WIPI1: variants seen among roughly 807,000 people sequenced by gnomAD.
WIPI1 encodes the protein WD repeat domain, phosphoinositide interacting 1.
A neutral mutation model predicts 55.3 loss-of-function variants in WIPI1; 45 were observed. The observed-to-expected ratio is 0.81, with a 90% CI of 0.64 to 1.04. The LOEUF (loss-of-function observed/expected upper bound fraction) is 1.04. Ranked by LOEUF, WIPI1 falls within the 50% of genes least tolerant of loss-of-function variation. WIPI1 has a pLI of 0.00. For missense variants in WIPI1, 445 were observed against 559.0 expected, an observed-to-expected ratio of 0.80 and a Z score of 2.06; for synonymous variants, 195 against 217.6, an observed-to-expected ratio of 0.90 and a Z score of 0.92.
chr17:68,428,902 A>G lies in WIPI1; in HGVS notation c.1000T>C (p.Ser334Pro). Residue 334 changes from serine to proline, a missense_variant, in exon 10 of 13, where the codon TCC becomes CCC. Transcript: ENST00000262139. ...QKLPRLLVAS[S>P]SGHLYMYNLD... ...TTGTACATATAAAGGTGTCCACTGGATGACGCAACTAGCAGCCGTGGCAAC... is the reference window on the plus strand; with the variant it reads ...TTGTACATATAAAGGTGTCCACTGGGTGACGCAACTAGCAGCCGTGGCAAC... The G allele has an allele frequency of 1.2e-6, 2 of 1,614,118 alleles. No homozygotes were observed. The highest frequency in any genetic ancestry group is 1.7e-6 in the Non-Finnish European group (2 of 1,180,002).
intron 8 of WIPI1, among the ~76,000 whole-genome samples, chr17:68,433,096 A>G (rs981084778): frequency 6.6e-6 from 1 of 152,226 alleles, no homozygotes; most frequent in Admixed American, 6.5e-5. Flanking sequence ...ATCAGCTAAC[A>G]CTTCTTAGTG....
At chr17:68,427,774 G>A (rs1177363650) in intron 10 of WIPI1, among the ~76,000 whole-genome samples, 2 of 152,184 alleles carry the variant, frequency 1.3e-5, no homozygotes, top group African/African-American at 2.4e-5. Flanking sequence ...CACAGGTGAG[G>A]ACATGCTAGC....
chr17:68,426,254 G>GCCCCCGCCCCCCC, intron 11 of WIPI1, 79 bp from the exon 12 acceptor site: 1 of 816,924 alleles, frequency 1.2e-6, no homozygotes, highest in East Asian at 3.5e-5. Context: ...GGGAGCGGGG[G>GCCCCCGCCCCCCC]CTCAAATAAA....
Position 68,427,134 on chromosome 17 carries a change from C to T in WIPI1, c.1192+1G>A. On this transcript the variant is annotated splice_donor_variant, in intron 11 of 12. Transcript: ENST00000262139. LOFTEE classifies it high-confidence loss of function. ...CCCCTGTTGGCCCCGTGTCCACCCA[C>T]CTGGCACCGTGGAGGCTGAAGATGC... The T allele has an allele frequency of 6.2e-7, 1 of 1,613,570 alleles. No individual in the cohort carries two copies. The highest frequency in any genetic ancestry group is 8.5e-7 in the Non-Finnish European group (1 of 1,179,600).
chr17:68,426,254 G>GGGGGGGGA, intron 11 of WIPI1, 79 bp from the exon 12 acceptor site: 1 of 816,924 alleles, frequency 1.2e-6, no homozygotes, highest in Non-Finnish European at 1.9e-6. Flanking sequence ...GGGAGCGGGG[G>GGGGGGGGA]CTCAAATAAA....
Position 68,434,824 on chromosome 17 carries a change from C to A in WIPI1, c.622-198G>T, listed in dbSNP as rs143441645. On this transcript the variant is annotated intron_variant, in intron 6 of 12. Coordinates refer to ENST00000262139, the MANE Select transcript of WIPI1 (RefSeq NM_017983.7). Reference sequence around the variant, plus strand: ...AATGTTATAAACACCCTCTGTCTACCTTTTCCCTTCCACCTGTGCCCAAGG... The same window carrying A: ...AATGTTATAAACACCCTCTGTCTACATTTTCCCTTCCACCTGTGCCCAAGG... 3.1e-3 allele frequency among the ~76,000 whole-genome samples: 467 copies of A among 152,286 alleles called. 1 individual carries two copies. The highest frequency in any genetic ancestry group is 0.011 in the African/African-American group (456 of 41,556).
At chr17:68,432,809 C>G (rs2083589484) in intron 8 of WIPI1, among the ~76,000 whole-genome samples, 1 of 152,194 alleles carries the variant, frequency 6.6e-6, no homozygotes. Context: ...TCCTTGCCCC[C>G]CACCGTGGGG....
chr17:68,430,274 G>T, intron 8 of WIPI1, 114 bp from the exon 9 acceptor site: 1 of 1,081,776 alleles, frequency 9.2e-7, no homozygotes. Flanking sequence ...GAGAGACTGT[G>T]CCTTAGCATA....
chr17:68,424,279 A>G (rs2082999185), intron 12 of WIPI1, among the ~76,000 whole-genome samples: 1 of 152,170 alleles, frequency 6.6e-6, no homozygotes, highest in Non-Finnish European at 1.5e-5. Context: ...GAAATGTAAA[A>G]GCTCACGCTG....
chr17:68,432,591 G>A lies in WIPI1; in HGVS notation c.800+877C>T, dbSNP rs115868176. 3.5e-3 allele frequency among the ~76,000 whole-genome samples: 539 copies of A among 152,076 alleles called. 6 individuals are homozygous for A. The highest frequency in any genetic ancestry group is 0.013 in the African/African-American group (524 of 41,468). ...GCCTCTGTCATGTATGTGTTAGCATGTATCAGCGTGATAAGGTGCCCGGCC... is the reference window on the plus strand; with the variant it reads ...GCCTCTGTCATGTATGTGTTAGCATATATCAGCGTGATAAGGTGCCCGGCC... On this transcript the variant is annotated intron_variant, in intron 8 of 12. Coordinates refer to ENST00000262139, the MANE Select transcript of WIPI1 (RefSeq NM_017983.7).
At chr17:68,439,158 A>G (rs2083967116) in intron 4 of WIPI1, among the ~76,000 whole-genome samples, 1 of 152,250 alleles carries the variant, frequency 6.6e-6, no homozygotes, top group African/African-American at 2.4e-5. Context: ...AATTTAACAT[A>G]TGTCCACACA....
Position 68,426,154 on chromosome 17 carries a change from G to A in WIPI1, c.1214C>T (p.Ala405Val), listed in dbSNP as rs774841316. The A allele has an allele frequency of 7.7e-5, 123 of 1,591,874 alleles. 1 individual carries two copies. The highest frequency in any genetic ancestry group is 7.4e-5 in the Non-Finnish European group (86 of 1,168,512). ...TVPGYSEDGG[A>V]LRGEVIPEHE... The stretch of plus-strand genomic sequence containing the variant: ...TTCAGGAATAACTTCTCCTCGCAGC[G>A]CCCCGCCGTCCTCAGAATAACCTGG... The change falls in exon 12 of 13, where the codon GCG (alanine) becomes GTG (valine). Residue 405 changes from alanine (A) to valine (V), a missense_variant. Physicochemically the swap from Ala to Val is moderately conservative, Grantham distance 64 (BLOSUM62 0). Transcript: ENST00000262139.
intron 4 of WIPI1, among the ~76,000 whole-genome samples, chr17:68,442,814 G>A (rs1000420079): frequency 6.6e-5 from 10 of 152,132 alleles, no homozygotes; most frequent in South Asian, 2.1e-4. Context: ...GGCTGCTGGC[G>A]CACCTGTCTC....
intron 2 of WIPI1, among the ~76,000 whole-genome samples, chr17:68,452,112 G>C (rs1043417284): frequency 6.6e-6 from 1 of 152,184 alleles, no homozygotes; most frequent in Non-Finnish European, 1.5e-5. Flanking sequence ...AAATAAGGAA[G>C]TCACATTTCT....
intron 8 of WIPI1, among the ~76,000 whole-genome samples, chr17:68,432,310 C>G (rs1244421181): frequency 1.3e-5 from 2 of 152,168 alleles, no homozygotes; most frequent in Non-Finnish European, 1.5e-5. Context: ...CGTGGGCTTG[C>G]TTTAATCACA....
In WIPI1 at chr17:68,447,901, G is replaced by A. The variant is rs1808334; in HGVS notation, c.333+2827C>T. ...CCAGCTACTTGGGAGGGTGAGGCAG[G>A]AGAATTGCTTGAACACGGGAGGTAG... On this transcript the variant is annotated intron_variant, in intron 3 of 12. Coordinates refer to ENST00000262139, the MANE Select transcript of WIPI1 (RefSeq NM_017983.7). 6.3e-3 allele frequency among the ~76,000 whole-genome samples: 949 copies of A among 150,982 alleles called. 9 individuals carry two copies. The highest frequency in any genetic ancestry group is 0.037 in the Middle Eastern group (11 of 294).
intron 7 of WIPI1, 143 bp downstream of exon 7, chr17:68,434,413 C>A (rs2083684478): frequency 2.6e-6 from 2 of 759,392 alleles, no homozygotes; most frequent in South Asian, 1.9e-5. Flanking sequence ...GCCTGGGAGT[C>A]AATTACCTGG....
rs370034909 is a variant in WIPI1 at position 68,436,472 on chromosome 17, A to G, written c.438T>C (p.Cys146=). The G allele has an allele frequency of 4.3e-6, 7 of 1,613,896 alleles. No individual in the cohort carries two copies. Among genetic ancestry groups the G allele is most frequent in the Non-Finnish European group, 5.9e-6 (7 of 1,179,800 alleles). The change falls in exon 5 of 13, where the codon TGT becomes TGC. Residue 146 remains cysteine, a synonymous_variant. Coordinates refer to ENST00000262139, the MANE Select transcript of WIPI1 (RefSeq NM_017983.7). The stretch of plus-strand genomic sequence containing the variant: ...AATTGGAATGGTTGATAGAGAGAGC[A>G]CATAGACCTGGCAAAGAAGAAACAG... The part of the protein sequence containing the change: ...LDIPANPTGL[C]ALSINHSNSY...
chr17:68,431,922 C>T (rs575704374), intron 8 of WIPI1, among the ~76,000 whole-genome samples: 10 of 152,266 alleles, frequency 6.6e-5, no homozygotes, highest in Admixed American at 3.3e-4. Context: ...ATCACTCACT[C>T]GTGGAACCTT....
Sources: gnomAD v4.1 joint callset for allele counts (sites outside exome capture counted in the v4.1 genomes callset) on GRCh38, gnomAD v4.1.1 for gene constraint, MANE v1.5 for transcripts, NCBI Gene and HGNC (gene_info 2026-07-23, HGNC 2026-07-21) for gene names.